The following PRKAR1A variants were observed in gnomAD, a reference collection of about 807,000 sequenced individuals.
PRKAR1A encodes protein kinase cAMP-dependent type I regulatory subunit alpha, also known as cAMP-dependent protein kinase type I-alpha regulatory subunit.
A neutral mutation model predicts 52.0 loss-of-function variants in PRKAR1A; 3 were observed. The ratio of observed to expected loss-of-function variants is 0.06; its 90% CI spans 0.03 to 0.15. The LOEUF (loss-of-function observed/expected upper bound fraction) is 0.15. Ranked by LOEUF, PRKAR1A falls within the 10% of genes least tolerant of loss-of-function variation. The pLI is 1.00. For synonymous variants in PRKAR1A, 188 were observed against 168.4 expected, an observed-to-expected ratio of 1.12 and a Z score of -0.90; for missense variants, 240 against 477.4, an observed-to-expected ratio of 0.50 and a Z score of 4.63.
intron 9 of PRKAR1A, 111 bp downstream of exon 9, chr17:68,529,102 T>C (rs1191801941): frequency 1.5e-6 from 2 of 1,292,412 alleles, no homozygotes; most frequent in South Asian, 1.3e-5. Context: ...TTCTGAACTA[T>C]AGCTTTAGTT....
chr17:68,502,662 G>A, the PRKAR1A span, among the ~76,000 whole-genome samples: 3 of 148,416 alleles, frequency 2.0e-5, no homozygotes, highest in African/African-American at 7.5e-5. Flanking sequence ...TGAGGCAGGA[G>A]AATCGCTTGA....
At chr17:68,457,331 T>C in the PRKAR1A span, 1 of 1,543,868 alleles carries the variant, frequency 6.5e-7, no homozygotes, top group Non-Finnish European at 8.7e-7. Context: ...AGGGGCCGAG[T>C]CGCAGCTTAC....
chr17:68,433,505 T>C, the PRKAR1A span: 2 of 1,613,992 alleles, frequency 1.2e-6, no homozygotes, highest in Non-Finnish European at 1.7e-6. Flanking sequence ...ATGTGTACCG[T>C]CTCGGTGTTA....
chr17:68,476,652 C>T, the PRKAR1A span, among the ~76,000 whole-genome samples: 6 of 150,788 alleles, frequency 4.0e-5, no homozygotes, highest in Middle Eastern at 3.4e-3. Flanking sequence ...CCCTCCATCC[C>T]TCCCTCTCTC....
At chr17:68,487,215 A>G in the PRKAR1A span, among the ~76,000 whole-genome samples, 1 of 152,246 alleles carries the variant, frequency 6.6e-6, no homozygotes, top group Non-Finnish European at 1.5e-5. Context: ...CACATTGCAC[A>G]GTGCCTGGCA....
downstream of PRKAR1A, among the ~76,000 whole-genome samples, chr17:68,534,769 C>T (rs1478900681): frequency 2.6e-5 from 4 of 152,010 alleles, no homozygotes; most frequent in Non-Finnish European, 5.9e-5. Flanking sequence ...GTTAATGAAT[C>T]AGTATATATT....
chr17:68,424,255 C>T, the PRKAR1A span, among the ~76,000 whole-genome samples: 1 of 152,138 alleles, frequency 6.6e-6, no homozygotes, highest in African/African-American at 2.4e-5. Context: ...TGACAACCTG[C>T]CTATTGAAAG....
the PRKAR1A span, among the ~76,000 whole-genome samples, chr17:68,475,864 T>C: frequency 6.6e-6 from 1 of 152,182 alleles, no homozygotes; most frequent in African/African-American, 2.4e-5. Flanking sequence ...TTTATGCATA[T>C]ATATGTAGAA....
At chr17:68,424,604 G>A in the PRKAR1A span, 15 of 471,510 alleles carry the variant, frequency 3.2e-5, no homozygotes, top group East Asian at 1.1e-4. Context: ...GGCCGGGTGC[G>A]GCGGTTCACG....
the PRKAR1A span, among the ~76,000 whole-genome samples, chr17:68,470,592 C>G: frequency 6.6e-6 from 1 of 152,154 alleles, no homozygotes; most frequent in Non-Finnish European, 1.5e-5. Context: ...ATTTGCATTC[C>G]TCAAATCTGC....
the PRKAR1A span, among the ~76,000 whole-genome samples, chr17:68,449,995 G>A: frequency 0.78 from 117,952 of 152,046 alleles, 46,110 homozygotes; most frequent in African/African-American, 0.85. Context: ...TGGGCAATAG[G>A]GCAAGACCCT....
Position 68,528,916 on chromosome 17 carries a change from A to G in PRKAR1A, c.816A>G (p.Glu272=). The change falls in exon 9 of 11, where the codon GAA becomes GAG. Residue 272 remains glutamate, a synonymous_variant. Transcript: ENST00000589228. Reference sequence around the variant, plus strand: ...GTCTTACGGTAGCTGATGCATTGGAACCAGTGCAGTTTGAAGATGGGCAGA... The same window carrying G: ...GTCTTACGGTAGCTGATGCATTGGAGCCAGTGCAGTTTGAAGATGGGCAGA... ...WERLTVADAL[E]PVQFEDGQKI... The G allele has an allele frequency of 6.2e-7, 1 of 1,613,742 alleles. No individual in the cohort carries two copies. Among genetic ancestry groups the G allele is most frequent in the Non-Finnish European group, 8.5e-7 (1 of 1,179,666 alleles).
the PRKAR1A span, chr17:68,420,213 G>C: frequency 6.2e-7 from 1 of 1,614,026 alleles, no homozygotes; most frequent in Admixed American, 1.7e-5. Flanking sequence ...TGTGATGGGA[G>C]CACGGGGCCT....
chr17:68,428,854 C>G, the PRKAR1A span: 1 of 1,614,060 alleles, frequency 6.2e-7, no homozygotes, highest in Non-Finnish European at 8.5e-7. Flanking sequence ...AAGACACACT[C>G]TCCTCCATCC....
the PRKAR1A span, chr17:68,414,058 C>A: frequency 6.4e-6 from 1 of 157,348 alleles, no homozygotes; most frequent in Non-Finnish European, 1.4e-5. Context: ...GATGGAAATG[C>A]AGAAATCACC....
intron 2 of PRKAR1A, among the ~76,000 whole-genome samples, chr17:68,520,054 T>G (rs934518392): frequency 6.6e-6 from 1 of 152,228 alleles, no homozygotes; most frequent in Non-Finnish European, 1.5e-5. Flanking sequence ...CAGCCTGTCT[T>G]ATGTTCTTGA....
At chr17:68,503,936 T>G in the PRKAR1A span, among the ~76,000 whole-genome samples, 4 of 152,212 alleles carry the variant, frequency 2.6e-5, no homozygotes, top group Non-Finnish European at 5.9e-5. Flanking sequence ...TGTACTCTGT[T>G]GGTGGGAATG....
chr17:68,424,965 G>C, the PRKAR1A span, among the ~76,000 whole-genome samples: 1 of 152,210 alleles, frequency 6.6e-6, no homozygotes, highest in Non-Finnish European at 1.5e-5. Flanking sequence ...TCACAAGAGC[G>C]GTCTATATGT....
chr17:68,473,687 T>C, the PRKAR1A span, among the ~76,000 whole-genome samples: 1 of 152,146 alleles, frequency 6.6e-6, no homozygotes, highest in Admixed American at 6.5e-5. Context: ...CATGCCTGGC[T>C]ATTTTTTGTA....
Sources: gnomAD v4.1 joint callset for allele counts (sites outside exome capture counted in the v4.1 genomes callset) on GRCh38, gnomAD v4.1.1 for gene constraint, MANE v1.5 for transcripts, NCBI Gene and HGNC (gene_info 2026-07-23, HGNC 2026-07-21) for gene names.